The following GYPE variants were observed in gnomAD, a reference collection of about 807,000 sequenced individuals.
GYPE encodes the protein glycophorin E (MNS blood group).
GYPE carries 8 observed loss-of-function variants against 11.6 expected under a neutral mutation model. That is an observed-to-expected ratio of 0.69 (90% CI 0.41 to 1.25). The LOEUF (loss-of-function observed/expected upper bound fraction) is 1.25. Ranked by LOEUF, GYPE falls within the 50% of genes most tolerant of loss-of-function variation. GYPE has a pLI of 0.01. For synonymous variants in GYPE, 28 were observed against 29.6 expected, an observed-to-expected ratio of 0.94 and a Z score of 0.18; for missense variants, 90 against 92.8, an observed-to-expected ratio of 0.97 and a Z score of 0.12.
chr4:143,903,740 G>A (rs1380456885), intron 1 of GYPE, among the ~76,000 whole-genome samples: 1 of 151,870 alleles, frequency 6.6e-6, no homozygotes, highest in Non-Finnish European at 1.5e-5. Flanking sequence ...TCTTGCCCCA[G>A]TGACCTCTTT....
rs1028485214 is a variant in GYPE at position 143,872,244 on chromosome 4, C to T, written c.*18G>A. Reference sequence around the variant, plus strand: ...CTTCCTCTAATCTCAATCCCAGAGGCATGAAAACCTAGAAAAAAGAAAGTA... The same window carrying T: ...CTTCCTCTAATCTCAATCCCAGAGGTATGAAAACCTAGAAAAAAGAAAGTA... On this transcript the variant is annotated 3_prime_UTR_variant, in exon 4 of 4. Coordinates refer to ENST00000358615, the MANE Select transcript of GYPE (RefSeq NM_198682.3). 11 of 152,420 alleles carry T rather than the reference C, an allele frequency of 7.2e-5. No individual in the cohort carries two copies. The highest frequency in any genetic ancestry group is 2.4e-4 in the African/African-American group (10 of 41,364). 9.4% of individuals were successfully genotyped at this position (152,420 alleles called of 1,614,324 possible). A position where few individuals can be genotyped will look rare whatever the true frequency, so the allele number is the denominator to read the frequency against.
chr4:143,876,999 CT>C (rs1447096980), intron 2 of GYPE, 144 bp from the exon 3 acceptor site: 1 of 648,532 alleles, frequency 1.5e-6, no homozygotes, highest in South Asian at 1.7e-5. Context: ...TGTATTTTGT[CT>C]TTTTTAAAAC....
At chr4:143,892,220 C>A (rs548700171) in intron 1 of GYPE, among the ~76,000 whole-genome samples, 1 of 152,154 alleles carries the variant, frequency 6.6e-6, no homozygotes, top group South Asian at 2.1e-4. Context: ...ATTAGTCTTG[C>A]TAGCGGTCTA....
chr4:143,892,622 G>C (rs1744452016), intron 1 of GYPE, among the ~76,000 whole-genome samples: 1 of 152,064 alleles, frequency 6.6e-6, no homozygotes, highest in Non-Finnish European at 1.5e-5. Context: ...GAGCGGTTTT[G>C]AGTGAGTCTC....
At chr4:143,890,454 T>C (rs1379285047) in intron 1 of GYPE, among the ~76,000 whole-genome samples, 7 of 152,196 alleles carry the variant, frequency 4.6e-5, no homozygotes, top group Admixed American at 4.6e-4. Context: ...AAAAACTTTA[T>C]CCCAAAGTTC....
chr4:143,883,086 G>T (rs968076932), intron 1 of GYPE, among the ~76,000 whole-genome samples: 1 of 152,026 alleles, frequency 6.6e-6, no homozygotes, highest in Admixed American at 6.6e-5. Context: ...CATGGGGCTG[G>T]TTTCTCATGG....
intron 3 of GYPE, chr4:143,875,646 G>A (rs1743768466): frequency 3.6e-6 from 5 of 1,380,188 alleles, no homozygotes; most frequent in Non-Finnish European, 4.0e-6. Context: ...GGTACCTAGG[G>A]GTGTTGCCAA....
chr4:143,871,230 T>G lies in GYPE; in HGVS notation c.*1032A>C, dbSNP rs541681232. The G allele has an allele frequency of 6.6e-6, 1 of 152,032 alleles. No individual in the cohort carries two copies. The highest frequency in any genetic ancestry group is 6.6e-5 in the Admixed American group (1 of 15,258). 9.4% of individuals were successfully genotyped at this position (152,032 alleles called of 1,614,324 possible). A position where few individuals can be genotyped will look rare whatever the true frequency, so the allele number is the denominator to read the frequency against. ...CATATTGAGTGATTTCTCTCTTCTA[T>G]TCAGTATTCTTCCACAGAGAGGGAC... On this transcript the variant is annotated 3_prime_UTR_variant, in exon 4 of 4. Coordinates refer to ENST00000358615, the MANE Select transcript of GYPE (RefSeq NM_198682.3).
intron 3 of GYPE, among the ~76,000 whole-genome samples, chr4:143,873,717 A>G: frequency 6.6e-6 from 1 of 152,172 alleles, no homozygotes; most frequent in Non-Finnish European, 1.5e-5. Context: ...GCAGTTTGAG[A>G]AATGGTATAT....
At chr4:143,901,234 C>T (rs1744854081) in intron 1 of GYPE, among the ~76,000 whole-genome samples, 1 of 152,084 alleles carries the variant, frequency 6.6e-6, no homozygotes, top group Non-Finnish European at 1.5e-5. Flanking sequence ...TTGGGTTAGA[C>T]AGAAATTCTT....
chr4:143,899,787 T>A (rs1463721395), intron 1 of GYPE, among the ~76,000 whole-genome samples: 3 of 92,018 alleles, frequency 3.3e-5, no homozygotes, highest in Non-Finnish European at 7.0e-5. Flanking sequence ...TTATCATACA[T>A]CATACAGAAA....
chr4:143,892,120 G>A (rs1744431494), intron 1 of GYPE, among the ~76,000 whole-genome samples: 1 of 152,164 alleles, frequency 6.6e-6, no homozygotes, highest in Non-Finnish European at 1.5e-5. Flanking sequence ...AGTATTGTCT[G>A]ATGGTAGTTT....
chr4:143,889,118 T>G (rs1258668059), intron 1 of GYPE, among the ~76,000 whole-genome samples: 1 of 146,746 alleles, frequency 6.8e-6, no homozygotes, highest in Non-Finnish European at 1.5e-5. Flanking sequence ...TAACACTTCT[T>G]CCTTTCCTAA....
chr4:143,903,871 A>T (rs1744960134), intron 1 of GYPE, among the ~76,000 whole-genome samples: 1 of 151,800 alleles, frequency 6.6e-6, no homozygotes, highest in South Asian at 2.1e-4. Flanking sequence ...AGTCACACAG[A>T]GTTTTCCCAA....
chr4:143,875,557 G>A (rs1245497853), intron 3 of GYPE: 1 of 1,550,360 alleles, frequency 6.5e-7, no homozygotes, highest in Non-Finnish European at 8.7e-7. Context: ...GCTTGACCAT[G>A]AGCTACGCCT....
intron 1 of GYPE, among the ~76,000 whole-genome samples, chr4:143,894,247 T>C (rs1744533103): frequency 1.3e-5 from 2 of 151,962 alleles, no homozygotes; most frequent in South Asian, 4.2e-4. Context: ...TCTGTGCCTT[T>C]GGTTTGAATT....
intron 2 of GYPE, 47 bp downstream of exon 2, chr4:143,880,364 A>C: frequency 6.2e-7 from 1 of 1,613,206 alleles, no homozygotes; most frequent in Non-Finnish European, 8.5e-7. Context: ...GTTGCATCAC[A>C]AAAACGATTT....
In GYPE at chr4:143,876,872, G is replaced by C; in HGVS notation, c.137-17C>G. 1 of 1,458,728 alleles carries C rather than the reference G, an allele frequency of 6.9e-7. No individual in the cohort carries two copies. Among genetic ancestry groups the C allele is most frequent in the Non-Finnish European group, 9.6e-7 (1 of 1,039,844 alleles). The allele number at this position is 1,458,728 out of a possible 1,614,324, so 90.4% of individuals were successfully genotyped here. On this transcript the variant is annotated splice_polypyrimidine_tract_variant and intron_variant, in intron 2 of 3. Coordinates refer to ENST00000358615, the MANE Select transcript of GYPE (RefSeq NM_198682.3). ...GTGTTATCCCTACAGGAGATAAAGAGAGCGGCAAAATTATGAAAGTCTGAA... is the reference window on the plus strand; with the variant it reads ...GTGTTATCCCTACAGGAGATAAAGACAGCGGCAAAATTATGAAAGTCTGAA...
chr4:143,886,445 T>C (rs1744225816), intron 1 of GYPE, among the ~76,000 whole-genome samples: 1 of 116,524 alleles, frequency 8.6e-6, no homozygotes, highest in Non-Finnish European at 1.8e-5. Flanking sequence ...TCACCAAGAA[T>C]GTTCAAAACT....
Sources: allele counts gnomAD v4.1 joint callset (sites outside exome capture counted in the v4.1 genomes callset), GRCh38; gene constraint gnomAD v4.1.1; transcripts MANE v1.5; gene names NCBI Gene and HGNC (gene_info 2026-07-23, HGNC 2026-07-21).